NFATC1: variants seen among roughly 807,000 people sequenced by gnomAD.
NFATC1 encodes nuclear factor of activated T-cells, cytoplasmic 1.
Under a neutral mutation model 76.0 loss-of-function variants are expected in NFATC1, and 22 were observed. The observed-to-expected ratio is 0.29, with a 90% CI of 0.21 to 0.41. The LOEUF (loss-of-function observed/expected upper bound fraction) is 0.41. Among genes scored for constraint, NFATC1 ranks in the 10% least tolerant of loss-of-function variants. NFATC1 has a pLI of 1.00. For missense variants in NFATC1, 1,357 were observed against 1,337.7 expected, an observed-to-expected ratio of 1.01 and a Z score of -0.23; for synonymous variants, 704 against 613.1, an observed-to-expected ratio of 1.15 and a Z score of -2.19.
At chr18:79,473,811 C>T (rs2088895364) in intron 8 of NFATC1, among the ~76,000 whole-genome samples, 1 of 148,816 alleles carries the variant, frequency 6.7e-6, no homozygotes. Context: ...CTCACGCTCA[C>T]TGTTGACGTA....
At chr18:79,491,496 C>A (rs1002409318) in intron 9 of NFATC1, among the ~76,000 whole-genome samples, 1 of 152,144 alleles carries the variant, frequency 6.6e-6, no homozygotes, top group African/African-American at 2.4e-5. Context: ...GTGGCGGGGA[C>A]AAGACTCAGA....
chr18:79,426,448 G>A lies in NFATC1; in HGVS notation c.1227-7131G>A, dbSNP rs186058520. ...TGCCACGTCCCATGCCGCTTCCACC[G>A]CAGCGTGAGGACAGCAGGACCTGAG... On this transcript the variant is annotated intron_variant, in intron 2 of 9. Coordinates refer to ENST00000427363, the MANE Select transcript of NFATC1 (RefSeq NM_001278669.2). Among the ~76,000 whole-genome samples, 171 of 152,240 alleles carry A rather than the reference G, an allele frequency of 1.1e-3. 1 individual carries two copies. Among genetic ancestry groups the A allele is most frequent in the African/African-American group, 3.9e-3 (160 of 41,548 alleles).
intron 6 of NFATC1, among the ~76,000 whole-genome samples, chr18:79,458,891 G>T (rs2087896544): frequency 6.6e-6 from 1 of 152,270 alleles, no homozygotes; most frequent in African/African-American, 2.4e-5. Context: ...GGAAGCAATT[G>T]CTAGATAGAC....
rs555893898 is a variant in NFATC1 at position 79,524,345 on chromosome 18, G to A, written c.2783-3183G>A. On this transcript the variant is annotated intron_variant, in intron 9 of 9. Transcript: ENST00000427363. The surrounding 1 kb of genome is among the most constrained non-coding windows in gnomAD (Gnocchi z 7.2). ...ACGGCTCCACGTACGGCTCTCGTCC[G>A]CGGTGTGGATGGGTGGGCGGTACAG... 4.6e-5 allele frequency among the ~76,000 whole-genome samples: 7 copies of A among 152,376 alleles called. No homozygotes were observed. The highest frequency in any genetic ancestry group is 2.1e-4 in the South Asian group (1 of 4,826).
In NFATC1 at chr18:79,486,542, A is replaced by G; in HGVS notation, c.2387A>G (p.Glu796Gly). The G allele has an allele frequency of 6.3e-7, 1 of 1,596,512 alleles. No homozygotes were observed. Among genetic ancestry groups the G allele is most frequent in the South Asian group, 1.1e-5 (1 of 90,700 alleles). The stretch of plus-strand genomic sequence containing the variant: ...CTCGGACTCCCGCAGCCGGCCGGAG[A>G]GGCCCCCGCCGTCCAGGACGTGCCC... ...CHLGLPQPAGEAPAVQDVPRP... is the reference protein window; with the variant it reads ...CHLGLPQPAGGAPAVQDVPRP... Residue 796 changes from glutamate (E) to glycine (G), a missense_variant, in exon 9 of 10, where the codon GAG becomes GGG. Physicochemically the swap from Glu to Gly is moderately conservative, Grantham distance 98. Coordinates refer to ENST00000427363, the MANE Select transcript of NFATC1 (RefSeq NM_001278669.2).
rs760026532 is a variant in NFATC1, at chr18:79,400,473, G to A, written c.127+4122G>A. 3.4e-6 allele frequency: 5 copies of A among 1,484,104 alleles called. No homozygotes were observed. In the East Asian group the frequency reaches 1.5e-4, roughly 44 times the overall value. 91.9% of individuals were successfully genotyped at this position (1,484,104 alleles called of 1,614,324 possible). A position where few individuals can be genotyped will look rare whatever the true frequency, so the allele number is the denominator to read the frequency against. On this transcript the variant is annotated intron_variant, in intron 1 of 9. Coordinates refer to ENST00000427363, the MANE Select transcript of NFATC1 (RefSeq NM_001278669.2). Reference sequence around the variant, plus strand: ...GCGCGACGAGGGCGCCGCCGCGGCCGCCCCAGGTGGGTCAGTCCCGGAGGG... The same window carrying A: ...GCGCGACGAGGGCGCCGCCGCGGCCACCCCAGGTGGGTCAGTCCCGGAGGG...
At chr18:79,428,143 C>T (rs1456927037) in intron 2 of NFATC1, among the ~76,000 whole-genome samples, 2 of 151,462 alleles carry the variant, frequency 1.3e-5, no homozygotes, top group Non-Finnish European at 2.9e-5. Context: ...CTGTGCGGTG[C>T]GGGGGCCGGC....
chr18:79,400,564 C>T (rs2085169685), intron 1 of NFATC1: 4 of 1,197,154 alleles, frequency 3.3e-6, no homozygotes, highest in South Asian at 2.4e-5. Flanking sequence ...CCTCGTCGCT[C>T]CCCGGGGACC....
chr18:79,442,344 C>T (rs1413108506), intron 3 of NFATC1, among the ~76,000 whole-genome samples: 1 of 152,238 alleles, frequency 6.6e-6, no homozygotes, highest in Non-Finnish European at 1.5e-5. Flanking sequence ...GCTGAGCAGC[C>T]TCTGCTGCCT....
chr18:79,469,713 G>GCCCGTTCTCC (rs1390586665), intron 8 of NFATC1: 10 of 985,764 alleles, frequency 1.0e-5, no homozygotes, highest in Non-Finnish European at 1.2e-5. Context: ...ACCAGCCTTC[G>GCCCGTTCTCC]CCCGTTCTCC....
chr18:79,486,661 C>G lies in NFATC1; in HGVS notation c.2506C>G (p.Pro836Ala). ...TGCGCCTCCAAGCAGTAGCTGCCCC[C>G]CTGGTCTCGAACACTCGCTCTGCCC... ...VSAPPSSSCP[P>A]GLEHSLCPSS... The change falls in exon 9 of 10, where the codon CCT becomes GCT. Residue 836 changes from proline (P) to alanine (A), a missense_variant. Coordinates refer to ENST00000427363, the MANE Select transcript of NFATC1 (RefSeq NM_001278669.2). 6.2e-7 allele frequency: 1 copy of G among 1,604,068 alleles called. No homozygotes were observed. Among genetic ancestry groups the G allele is most frequent in the East Asian group, 2.2e-5 (1 of 44,722 alleles).
intron 8 of NFATC1, among the ~76,000 whole-genome samples, chr18:79,480,612 G>A (rs757414589): frequency 3.3e-5 from 5 of 152,152 alleles, no homozygotes; most frequent in African/African-American, 9.7e-5. Context: ...CGGTACCACC[G>A]CGGTTTTAAA....
intron 3 of NFATC1, among the ~76,000 whole-genome samples, chr18:79,447,358 G>A (rs1279266565): frequency 2.0e-5 from 3 of 152,250 alleles, no homozygotes; most frequent in Admixed American, 1.3e-4. Context: ...GGCAGGCGTC[G>A]CATTTTCCTG....
At chr18:79,396,736 T>C (rs1392743366) in intron 1 of NFATC1, among the ~76,000 whole-genome samples, 1 of 151,856 alleles carries the variant, frequency 6.6e-6, no homozygotes, top group Non-Finnish European at 1.5e-5. Context: ...GGATGCCCCG[T>C]GTCTTCCTGA....
chr18:79,485,963 C>G (rs574832543), intron 8 of NFATC1, among the ~76,000 whole-genome samples: 2 of 152,362 alleles, frequency 1.3e-5, no homozygotes, highest in East Asian at 3.9e-4. Flanking sequence ...CCACAGGCCC[C>G]TGGGTCCAGG....
In NFATC1 at chr18:79,464,692, ATATT is replaced by A. The variant is rs201605713; in HGVS notation, c.1960-2740_1960-2737del. On this transcript the variant is annotated intron_variant, in intron 7 of 9. Transcript: ENST00000427363. ...TGTGTATATGTATGTGTATATATAT[ATATT>A]TATTTATTTATTTATTTTTTTTTTT... Among the ~76,000 whole-genome samples the A allele has an allele frequency of 6.6e-4, 74 of 111,538 alleles. 2 individuals carry two copies. The highest frequency in any genetic ancestry group is 8.6e-3 in the Middle Eastern group (2 of 232). 73.2% of individuals were successfully genotyped at this position (111,538 alleles called of 152,430 possible).
chr18:79,526,113 C>T (rs1204992634), intron 9 of NFATC1, among the ~76,000 whole-genome samples: 2 of 152,186 alleles, frequency 1.3e-5, no homozygotes, highest in African/African-American at 2.4e-5. Flanking sequence ...GGCCCCGCAG[C>T]GCCGCCCGAG....
intron 6 of NFATC1, among the ~76,000 whole-genome samples, chr18:79,454,343 C>A (rs772432344): frequency 1.3e-5 from 2 of 152,236 alleles, no homozygotes; most frequent in Non-Finnish European, 2.9e-5. Context: ...GCGTATCAGC[C>A]AGGCCACCTT....
chr18:79,485,763 T>C (rs2089474459), intron 8 of NFATC1, among the ~76,000 whole-genome samples: 1 of 152,376 alleles, frequency 6.6e-6, no homozygotes, highest in East Asian at 1.9e-4. Flanking sequence ...TGTTTTTCTT[T>C]CGCAGTGACG....
Sources: allele counts gnomAD v4.1 joint callset (sites outside exome capture counted in the v4.1 genomes callset), GRCh38; gene constraint gnomAD v4.1.1; non-coding constraint Gnocchi (gnomAD v3.1); transcripts MANE v1.5; gene names NCBI Gene and HGNC (gene_info 2026-07-23, HGNC 2026-07-21).